The following COL28A1 variants were observed in gnomAD, a reference collection of about 807,000 sequenced individuals.
COL28A1 encodes collagen type XXVIII alpha 1 chain, also known as collagen alpha-1(XXVIII) chain.
COL28A1 carries 161 observed loss-of-function variants against 150.2 expected under a neutral mutation model. The observed-to-expected ratio is 1.07, with a 90% CI of 0.94 to 1.22. COL28A1 has a LOEUF of 1.22. COL28A1 is among the 50% of genes most tolerant of loss of function. The pLI, the probability that COL28A1 is intolerant of heterozygous loss-of-function variation, is 0.00. For missense variants in COL28A1, 1,617 were observed against 1,388.3 expected, an observed-to-expected ratio of 1.16 and a Z score of -2.62; for synonymous variants, 552 against 469.7, an observed-to-expected ratio of 1.18 and a Z score of -2.26.
intron 5 of COL28A1, 110 bp from the exon 6 acceptor site, chr7:7,520,225 A>C: frequency 1.7e-6 from 1 of 573,860 alleles, no homozygotes. Flanking sequence ...GAATTGTAAA[A>C]CCTTTACCTG....
chr7:7,386,203 G>T (rs988913988), intron 27 of COL28A1, among the ~76,000 whole-genome samples: 3 of 152,110 alleles, frequency 2.0e-5, no homozygotes, highest in African/African-American at 7.2e-5. Context: ...CTACCTGAAT[G>T]TTTCCATTGA....
the COL28A1 span, among the ~76,000 whole-genome samples, chr7:7,340,238 T>C: frequency 6.6e-6 from 1 of 152,074 alleles, no homozygotes. Context: ...TTTTTGGTAA[T>C]ACAAGTTTTA....
intron 14 of COL28A1, among the ~76,000 whole-genome samples, chr7:7,476,266 G>A (rs574256700): frequency 6.6e-5 from 10 of 152,246 alleles, no homozygotes; most frequent in African/African-American, 2.2e-4. Flanking sequence ...GTATCTTTAC[G>A]TACTCTGAAA....
At chr7:7,388,907 G>C (rs1196240038) in intron 27 of COL28A1, among the ~76,000 whole-genome samples, 2 of 152,136 alleles carry the variant, frequency 1.3e-5, no homozygotes, top group Non-Finnish European at 2.9e-5. Flanking sequence ...CCCTTTGTCA[G>C]ATGGATAGAT....
At position 7,490,606 on chromosome 7, in the gene COL28A1, G is replaced by C; in HGVS notation, c.1067C>G (p.Ala356Gly). 3 of 1,397,828 alleles carry C rather than the reference G, an allele frequency of 2.1e-6. No homozygotes were observed. The highest frequency in any genetic ancestry group is 1.2e-5 in the South Asian group (1 of 85,878). The allele number at this position is 1,397,828 out of a possible 1,614,324, so 86.6% of individuals were successfully genotyped here. A position where few individuals can be genotyped will look rare whatever the true frequency, so the allele number is the denominator to read the frequency against. The change falls in exon 12 of 35, where the codon GCT (alanine) becomes GGT (glycine). Residue 356 changes from alanine (A) to glycine (G), a missense_variant. Ala to Gly is a moderately conservative substitution (Grantham distance 60, BLOSUM62 0). Transcript: ENST00000399429. ...AATACCTTGCTGTCCAATTCCAGGA[G>C]CTCCTGGAGAACCATAAGGACCAGG... is the stretch of plus-strand genomic sequence containing the variant. ...GPPGPYGSPG[A>G]PGIGQQGIKG... is the part of the protein sequence containing the mutation.
At chr7:7,526,924 C>T (rs1297523642) in intron 3 of COL28A1, among the ~76,000 whole-genome samples, 3 of 152,060 alleles carry the variant, frequency 2.0e-5, no homozygotes, top group Non-Finnish European at 2.9e-5. Context: ...TGTGAGCCAC[C>T]GCACCTAGCC....
At chr7:7,525,882 T>C (rs576312753) in intron 3 of COL28A1, among the ~76,000 whole-genome samples, 81 of 152,316 alleles carry the variant, frequency 5.3e-4, no homozygotes, top group African/African-American at 1.8e-3. Flanking sequence ...TTTGACTACA[T>C]GATCTCAGGA....
chr7:7,418,201 T>C (rs541121569), intron 26 of COL28A1, among the ~76,000 whole-genome samples: 16 of 152,308 alleles, frequency 1.1e-4, no homozygotes, highest in Non-Finnish European at 2.2e-4. Flanking sequence ...CAGGGCCTCA[T>C]CTGCTTGGGC....
intron 21 of COL28A1, among the ~76,000 whole-genome samples, chr7:7,439,340 A>G (rs1412390315): frequency 1.3e-5 from 2 of 152,206 alleles, no homozygotes; most frequent in Admixed American, 1.3e-4. Flanking sequence ...GGCACAGGAC[A>G]TGACAAGAAT....
chr7:7,503,799 C>G (rs897262092), intron 11 of COL28A1, among the ~76,000 whole-genome samples: 5 of 152,084 alleles, frequency 3.3e-5, no homozygotes, highest in Non-Finnish European at 7.4e-5. Context: ...GACCTTAAAC[C>G]AGAACTATGA....
intron 27 of COL28A1, among the ~76,000 whole-genome samples, chr7:7,402,579 C>T (rs553200208): frequency 5.3e-5 from 8 of 152,232 alleles, no homozygotes; most frequent in East Asian, 3.9e-4. Context: ...GAGATGAAAA[C>T]GTTGACACCA....
Position 7,531,499 on chromosome 7 carries a change from T to G in COL28A1, c.530A>C (p.Asp177Ala), listed in dbSNP as rs758662076. ...KNPDVQSISE[D>A]ARISGISFIT... ...AAATGATATTCCTGAAATTCTGGCA[T>G]CTTCAGAAATACTTTGAACATCTGG... Residue 177 changes from aspartate to alanine, a missense_variant, in exon 3 of 35, where the codon GAT becomes GCT. Physicochemically the swap from Asp to Ala is moderately radical, Grantham distance 126. Coordinates refer to ENST00000399429, the MANE Select transcript of COL28A1 (RefSeq NM_001037763.3). 4 of 1,610,938 alleles carry G rather than the reference T, an allele frequency of 2.5e-6. No homozygotes were observed. The South Asian group carries it at 4.4e-5, about 18-fold the overall frequency.
At chr7:7,386,336 T>G (rs1422067961) in intron 27 of COL28A1, among the ~76,000 whole-genome samples, 1 of 152,220 alleles carries the variant, frequency 6.6e-6, no homozygotes, top group Non-Finnish European at 1.5e-5. Context: ...AATGGACATC[T>G]GGCTTCTGCC....
intron 19 of COL28A1, among the ~76,000 whole-genome samples, chr7:7,443,963 G>A (rs566457361): frequency 6.9e-6 from 1 of 144,056 alleles, no homozygotes; most frequent in Non-Finnish European, 1.5e-5. Flanking sequence ...AAACAGGGAA[G>A]ACCTTCAGCC....
At chr7:7,381,516 C>A in intron 28 of COL28A1, 28 bp downstream of exon 28, 1 of 1,561,194 alleles carries the variant, frequency 6.4e-7, no homozygotes, top group African/African-American at 1.4e-5. Context: ...TAAGCCTAAG[C>A]ATTTCTCTAA....
chr7:7,339,227 C>A, the COL28A1 span, among the ~76,000 whole-genome samples: 1 of 152,142 alleles, frequency 6.6e-6, no homozygotes, highest in Non-Finnish European at 1.5e-5. Context: ...CAATCTTTTG[C>A]CTCTTAATTC....
intron 21 of COL28A1, among the ~76,000 whole-genome samples, chr7:7,439,624 A>G (rs1263960935): frequency 1.3e-5 from 2 of 152,206 alleles, no homozygotes; most frequent in African/African-American, 4.8e-5. Context: ...GCTTTATTTC[A>G]AAACACAGAA....
At chr7:7,509,854 C>T (rs931322007) in intron 9 of COL28A1, among the ~76,000 whole-genome samples, 11 of 152,180 alleles carry the variant, frequency 7.2e-5, no homozygotes, top group African/African-American at 2.7e-4. Context: ...TTCAGTTATA[C>T]TCCAGGAAGA....
intron 13 of COL28A1, among the ~76,000 whole-genome samples, chr7:7,486,107 A>T (rs1045778537): frequency 6.6e-6 from 1 of 152,166 alleles, no homozygotes; most frequent in African/African-American, 2.4e-5. Context: ...AAATGTATTA[A>T]GTATTCTCTG....
Sources: allele counts gnomAD v4.1 joint callset (sites outside exome capture counted in the v4.1 genomes callset), GRCh38; gene constraint gnomAD v4.1.1; transcripts MANE v1.5; gene names NCBI Gene and HGNC (gene_info 2026-07-23, HGNC 2026-07-21).